LOC122539214: variants seen among roughly 807,000 people sequenced by gnomAD.
At chr19:52,688,331 C>T in the LOC122539214 span, among the ~76,000 whole-genome samples, 2 of 150,232 alleles carry the variant, frequency 1.3e-5, no homozygotes, top group South Asian at 2.1e-4. Context: ...CCATCATACC[C>T]GATTAATTTT....
chr19:52,668,389 A>T, the LOC122539214 span, among the ~76,000 whole-genome samples: 1 of 152,102 alleles, frequency 6.6e-6, no homozygotes, highest in African/African-American at 2.4e-5. Flanking sequence ...TAGTCTATCT[A>T]TCTTTTCCTT....
the LOC122539214 span, among the ~76,000 whole-genome samples, chr19:52,668,830 G>A: frequency 3.3e-5 from 5 of 152,162 alleles, no homozygotes; most frequent in Non-Finnish European, 1.5e-5. Flanking sequence ...GGTGTGGGCT[G>A]GATGCTAGCT....
the LOC122539214 span, among the ~76,000 whole-genome samples, chr19:52,673,642 ATC>A: frequency 6.6e-6 from 1 of 152,226 alleles, no homozygotes; most frequent in South Asian, 2.1e-4. Flanking sequence ...TGCAAATATT[ATC>A]TTTTTGTTTT....
the LOC122539214 span, among the ~76,000 whole-genome samples, chr19:52,681,296 A>AAAAAAAAAAAAAAAAAAAAAAAAAAAC: frequency 6.7e-6 from 1 of 150,124 alleles, no homozygotes; most frequent in African/African-American, 2.5e-5. Context: ...AAAAAAAAAA[A>AAAAAAAAAAAAAAAAAAAAAAAAAAAC]AAAAAGCAAA....
the LOC122539214 span, chr19:52,652,838 G>A: frequency 4.2e-6 from 4 of 950,846 alleles, no homozygotes; most frequent in African/African-American, 4.8e-5. Flanking sequence ...TGAAGTCTAT[G>A]ATGGCATACA....
the LOC122539214 span, among the ~76,000 whole-genome samples, chr19:52,670,592 A>G: frequency 1.2e-4 from 19 of 152,212 alleles, no homozygotes; most frequent in African/African-American, 4.3e-4. Flanking sequence ...GAAAAGAGTC[A>G]AACTCTGTAA....
At chr19:52,669,062 A>C in the LOC122539214 span, among the ~76,000 whole-genome samples, 6 of 152,212 alleles carry the variant, frequency 3.9e-5, no homozygotes, top group African/African-American at 1.4e-4. Flanking sequence ...AAAGTTTACC[A>C]ATCAGCCACT....
the LOC122539214 span, among the ~76,000 whole-genome samples, chr19:52,681,303 C>CAAAAAAAAAAAAAAAAAA: frequency 3.3e-4 from 26 of 78,298 alleles, no homozygotes; most frequent in South Asian, 8.3e-4. Context: ...AAAAAAAAAG[C>CAAAAAAAAAAAAAAAAAA]AAACGAACAT....
At chr19:52,667,096 GAA>G in the LOC122539214 span, among the ~76,000 whole-genome samples, 1 of 151,896 alleles carries the variant, frequency 6.6e-6, no homozygotes, top group African/African-American at 2.4e-5. Context: ...CGTTTTCAAC[GAA>G]AGTCAAGTTT....
chr19:52,657,869 G>T, the LOC122539214 span, among the ~76,000 whole-genome samples: 1 of 150,946 alleles, frequency 6.6e-6, no homozygotes, highest in Non-Finnish European at 1.5e-5. Context: ...AGGCATGGTG[G>T]CTCATGACTG....
At chr19:52,676,219 G>C in the LOC122539214 span, among the ~76,000 whole-genome samples, 1 of 152,238 alleles carries the variant, frequency 6.6e-6, no homozygotes, top group Admixed American at 6.5e-5. Flanking sequence ...CTAACCGTGA[G>C]TGATCTGCCA....
At chr19:52,681,246 G>A in the LOC122539214 span, among the ~76,000 whole-genome samples, 1 of 127,944 alleles carries the variant, frequency 7.8e-6, no homozygotes, top group Non-Finnish European at 1.6e-5. Flanking sequence ...TCACACCACT[G>A]CACTCCAGCC....
the LOC122539214 span, among the ~76,000 whole-genome samples, chr19:52,664,721 AGGGT>A: frequency 6.5e-5 from 1 of 15,498 alleles, no homozygotes; most frequent in African/African-American, 2.8e-4. Context: ...GAGTGAGGCC[AGGGT>A]GGGGCATGAA....
At chr19:52,683,140 C>T in the LOC122539214 span, among the ~76,000 whole-genome samples, 96 of 152,162 alleles carry the variant, frequency 6.3e-4, no homozygotes, top group African/African-American at 2.1e-3. Context: ...AAAGTGCTGG[C>T]ATTACAGGGG....
chr19:52,658,946 T>C, the LOC122539214 span, among the ~76,000 whole-genome samples: 1 of 152,146 alleles, frequency 6.6e-6, no homozygotes, highest in Non-Finnish European at 1.5e-5. Context: ...TTAATTCTAT[T>C]CTAAATAAAT....
At chr19:52,675,115 A>C in the LOC122539214 span, among the ~76,000 whole-genome samples, 1 of 152,218 alleles carries the variant, frequency 6.6e-6, no homozygotes, top group African/African-American at 2.4e-5. Flanking sequence ...AATCTTATTA[A>C]ACAAAGGAAG....
the LOC122539214 span, among the ~76,000 whole-genome samples, chr19:52,680,135 C>A: frequency 6.6e-6 from 1 of 152,132 alleles, no homozygotes; most frequent in South Asian, 2.1e-4. Flanking sequence ...GAAGAGATCA[C>A]ACCACTGCAC....
At chr19:52,680,202 G>A in the LOC122539214 span, among the ~76,000 whole-genome samples, 5 of 152,036 alleles carry the variant, frequency 3.3e-5, no homozygotes, top group African/African-American at 1.2e-4. Context: ...AAGAAAGCAG[G>A]CATGGGGCAA....
the LOC122539214 span, chr19:52,651,988 A>T: frequency 1.0e-5 from 2 of 192,878 alleles, no homozygotes; most frequent in Non-Finnish European, 2.3e-5. Context: ...GTCATTTTCT[A>T]TAGTCATTGT....
Sources: gnomAD v4.1 joint callset for allele counts (sites outside exome capture counted in the v4.1 genomes callset) on GRCh38, gnomAD v4.1.1 for gene constraint, MANE v1.5 for transcripts.